ADAMTSL1: variants seen among roughly 807,000 people sequenced by gnomAD.
The protein encoded by ADAMTSL1 is ADAMTS like 1, also known as ADAMTS-like protein 1.
Under a neutral mutation model 201.8 loss-of-function variants are expected in ADAMTSL1, and 126 were observed. The observed-to-expected ratio is 0.62, with a 90% CI of 0.54 to 0.72. ADAMTSL1 has a LOEUF of 0.72. Among genes scored for constraint, ADAMTSL1 ranks in the 30% least tolerant of loss-of-function variants. ADAMTSL1 has a pLI of 0.00. For missense variants in ADAMTSL1, 2,679 were observed against 2,277.8 expected (o/e 1.18, Z -3.59); for synonymous variants, 1,121 against 903.4 (o/e 1.24, Z -4.32).
chr9:17,977,340 A>G (rs113918269), intron 1 of ADAMTSL1, among the ~76,000 whole-genome samples: 3 of 152,214 alleles, frequency 2.0e-5, no homozygotes, highest in African/African-American at 4.8e-5. Context: ...TGGCCTTATA[A>G]AATTAATTTG....
At chr9:18,459,481 T>A (rs544666775) in intron 2 of ADAMTSL1, among the ~76,000 whole-genome samples, 6 of 152,130 alleles carry the variant, frequency 3.9e-5, no homozygotes, top group Non-Finnish European at 1.5e-5. Context: ...TTATTGACTA[T>A]CTTAGAATAG....
At chr9:18,161,706 G>A (rs1177576067) in intron 1 of ADAMTSL1, among the ~76,000 whole-genome samples, 2 of 152,046 alleles carry the variant, frequency 1.3e-5, no homozygotes, top group Non-Finnish European at 2.9e-5. Flanking sequence ...AGGCTTCTGA[G>A]CAGGGGAATT....
At chr9:17,955,378 A>T (rs920957299) in intron 1 of ADAMTSL1, among the ~76,000 whole-genome samples, 5 of 152,174 alleles carry the variant, frequency 3.3e-5, no homozygotes, top group African/African-American at 1.2e-4. Context: ...CATAAAACTC[A>T]TTCCAAATTT....
chr9:18,860,742 T>A (rs377701644), intron 23 of ADAMTSL1, among the ~76,000 whole-genome samples: 156 of 152,218 alleles, frequency 1.0e-3, no homozygotes, highest in African/African-American at 3.7e-3. Flanking sequence ...TTGGTTTTCC[T>A]TCTCTATATT....
intron 4 of ADAMTSL1, among the ~76,000 whole-genome samples, chr9:18,577,099 A>G (rs932891963): frequency 6.6e-6 from 1 of 152,222 alleles, no homozygotes; most frequent in Non-Finnish European, 1.5e-5. Context: ...ATTCAGATTT[A>G]TTAATTCTAT....
At chr9:18,387,459 C>G (rs947045411) in intron 2 of ADAMTSL1, among the ~76,000 whole-genome samples, 1 of 151,874 alleles carries the variant, frequency 6.6e-6, no homozygotes, top group Non-Finnish European at 1.5e-5. Flanking sequence ...AGGTAGTATT[C>G]ATTATTCTCA....
chr9:18,504,346 G>A (rs1322587069), intron 1 of ADAMTSL1, among the ~76,000 whole-genome samples: 5 of 152,142 alleles, frequency 3.3e-5, no homozygotes, highest in Non-Finnish European at 7.4e-5. Flanking sequence ...GAGCACATCT[G>A]AAAACTAGGA....
intron 3 of ADAMTSL1, among the ~76,000 whole-genome samples, chr9:18,564,475 G>A (rs1336234645): frequency 6.6e-6 from 1 of 152,286 alleles, no homozygotes; most frequent in Admixed American, 6.5e-5. Context: ...GCCAGCCCCT[G>A]CCTCACTTGT....
At chr9:18,082,827 G>C (rs925370916) in intron 1 of ADAMTSL1, among the ~76,000 whole-genome samples, 1 of 152,182 alleles carries the variant, frequency 6.6e-6, no homozygotes, top group Non-Finnish European at 1.5e-5. Flanking sequence ...AAGAAAAAAT[G>C]CCTGGCCTCC....
At chr9:18,805,848 T>C (rs533931756) in intron 20 of ADAMTSL1, among the ~76,000 whole-genome samples, 1 of 152,312 alleles carries the variant, frequency 6.6e-6, no homozygotes, top group East Asian at 1.9e-4. Context: ...GGGCCCTTTC[T>C]GAAGCTCTCA....
chr9:18,253,324 C>T (rs1436660076), intron 2 of ADAMTSL1, among the ~76,000 whole-genome samples: 1 of 152,144 alleles, frequency 6.6e-6, no homozygotes, highest in Non-Finnish European at 1.5e-5. Context: ...ATGGAGATGA[C>T]TAATTTCTCC....
At chr9:18,099,037 A>G (rs1824373317) in intron 1 of ADAMTSL1, among the ~76,000 whole-genome samples, 1 of 150,860 alleles carries the variant, frequency 6.6e-6, no homozygotes. Flanking sequence ...TGGGAGGATT[A>G]ATCTGTTTAT....
intron 1 of ADAMTSL1, among the ~76,000 whole-genome samples, chr9:18,490,316 G>A (rs1386834902): frequency 1.3e-5 from 2 of 152,036 alleles, no homozygotes; most frequent in Admixed American, 6.6e-5. Context: ...GGTGGCAGAG[G>A]CAATTGATTG....
chr9:18,377,175 C>G (rs1314361283), intron 2 of ADAMTSL1, among the ~76,000 whole-genome samples: 1 of 152,180 alleles, frequency 6.6e-6, no homozygotes, highest in Non-Finnish European at 1.5e-5. Context: ...CAAGCCCTCT[C>G]GCGTCATTTA....
At chr9:18,152,320 T>TA (rs1826951067) in intron 1 of ADAMTSL1, among the ~76,000 whole-genome samples, 1 of 151,620 alleles carries the variant, frequency 6.6e-6, no homozygotes, top group Non-Finnish European at 1.5e-5. Context: ...TAGAAGGAGA[T>TA]AGGAGGGATG....
chr9:18,436,334 C>G (rs2133430473), intron 2 of ADAMTSL1, among the ~76,000 whole-genome samples: 1 of 152,282 alleles, frequency 6.6e-6, no homozygotes, highest in African/African-American at 2.4e-5. Flanking sequence ...AGGCATGGCT[C>G]TGGACCACAT....
chr9:18,757,410 C>A (rs1020430658), intron 16 of ADAMTSL1, among the ~76,000 whole-genome samples: 3 of 152,118 alleles, frequency 2.0e-5, no homozygotes, highest in African/African-American at 7.2e-5. Flanking sequence ...GATTGAGAAT[C>A]ACTGTTACCT....
At chr9:18,803,535 T>A (rs1822927724) in intron 20 of ADAMTSL1, among the ~76,000 whole-genome samples, 1 of 152,202 alleles carries the variant, frequency 6.6e-6, no homozygotes, top group Non-Finnish European at 1.5e-5. Flanking sequence ...CATAAACATC[T>A]TGGAAGGTCA....
At position 18,777,122 on chromosome 9, in the gene ADAMTSL1, C is replaced by T. The variant is rs780897867; in HGVS notation, c.2893C>T (p.Arg965Cys). The change falls in exon 19 of 29, where the codon CGC becomes TGC. Residue 965 changes from arginine to cysteine, a missense_variant. Transcript: ENST00000380548. ...HFVIKLIGGN[R>C]KLVARPLSPR... ...TGTGATTAAGCTCATCGGAGGCAAC[C>T]GCAAGCTCGTGGCCCGGCCCTTGAG... 1.2e-5 allele frequency: 19 copies of T among 1,613,076 alleles called. No individual in the cohort carries two copies. The highest frequency in any genetic ancestry group is 1.5e-5 in the Non-Finnish European group (18 of 1,179,832).
Sources: gnomAD v4.1 joint callset for allele counts (sites outside exome capture counted in the v4.1 genomes callset) on GRCh38, gnomAD v4.1.1 for gene constraint, MANE v1.5 for transcripts, NCBI Gene and HGNC (gene_info 2026-07-23, HGNC 2026-07-21) for gene names.